NIPBL: variants seen among roughly 807,000 people sequenced by gnomAD.
NIPBL encodes the protein nipped-B-like protein.
NIPBL carries 19 observed loss-of-function variants against 321.8 expected under a neutral mutation model. The observed-to-expected ratio is 0.06, with a 90% CI of 0.04 to 0.09. NIPBL has a LOEUF of 0.09. Among genes scored for constraint, NIPBL ranks in the 10% least tolerant of loss-of-function variants. The pLI, the probability that NIPBL is intolerant of heterozygous loss-of-function variation, is 1.00. For synonymous variants in NIPBL, 1,106 were observed against 1,114.1 expected (o/e 0.99, Z 0.14); for missense variants, 2,210 against 3,327.0 (o/e 0.66, Z 8.26).
chr5:36,928,262 T>G (rs1223698366), intron 1 of NIPBL, among the ~76,000 whole-genome samples: 1 of 152,192 alleles, frequency 6.6e-6, no homozygotes, highest in African/African-American at 2.4e-5. Context: ...TGAAGTAGTC[T>G]TTAACTACAT....
rs1485243344 is a variant in NIPBL at position 37,044,624 on chromosome 5, T to C, written c.6250-12T>C. The C allele has an allele frequency of 5.0e-6, 8 of 1,608,692 alleles. No individual in the cohort carries two copies. Among genetic ancestry groups the C allele is most frequent in the Non-Finnish European group, 6.8e-6 (8 of 1,176,042 alleles). ...TTTTAACTTTTATCTAAACATTTTC[T>C]ATATCTTTTAGGTAGTGCAACATTG... is the stretch of plus-strand genomic sequence containing the variant. On this transcript the variant is annotated splice_polypyrimidine_tract_variant and intron_variant, in intron 35 of 46. Transcript: ENST00000282516.
chr5:36,921,980 G>A (rs1055815204), intron 1 of NIPBL, among the ~76,000 whole-genome samples: 6 of 150,458 alleles, frequency 4.0e-5, no homozygotes, highest in East Asian at 2.0e-4. Context: ...TCTGCCTCCC[G>A]GGTTCAAGTG....
chr5:37,008,856 GA>G (rs1276289980), intron 20 of NIPBL, 133 bp downstream of exon 20: 47 of 652,110 alleles, frequency 7.2e-5, no homozygotes, highest in African/African-American at 7.0e-4. Context: ...AGAACAGCAT[GA>G]AAAATAGATG....
At chr5:36,883,849 G>A (rs923911537) in intron 1 of NIPBL, among the ~76,000 whole-genome samples, 2 of 151,246 alleles carry the variant, frequency 1.3e-5, no homozygotes, top group Admixed American at 1.3e-4. Context: ...CCAAGTTGAA[G>A]TTTTACATGG....
chr5:36,939,763 C>T (rs1488079522), intron 1 of NIPBL, among the ~76,000 whole-genome samples: 1 of 152,134 alleles, frequency 6.6e-6, no homozygotes, highest in South Asian at 2.1e-4. Context: ...CAAGAGAGCA[C>T]AAGACATTAG....
At chr5:37,015,545 C>T (rs540496625) in intron 22 of NIPBL, among the ~76,000 whole-genome samples, 4 of 151,872 alleles carry the variant, frequency 2.6e-5, no homozygotes, top group African/African-American at 4.8e-5. Context: ...GCCTGACCAG[C>T]GTGGTGAAAC....
chr5:37,057,485 G>A (rs2149750435), intron 43 of NIPBL, among the ~76,000 whole-genome samples, 153 bp downstream of exon 43: 1 of 152,264 alleles, frequency 6.6e-6, no homozygotes, highest in South Asian at 2.1e-4. Context: ...TACTTGACTT[G>A]GGAGAGGATG....
chr5:37,039,953 G>A (rs952522155), intron 34 of NIPBL, among the ~76,000 whole-genome samples: 3 of 152,036 alleles, frequency 2.0e-5, no homozygotes, highest in East Asian at 1.9e-4. Flanking sequence ...ACAGTACCAA[G>A]CACTGTGAAA....
At chr5:37,036,619 T>A in intron 33 of NIPBL, 132 bp downstream of exon 33, 1 of 314,418 alleles carries the variant, frequency 3.2e-6, no homozygotes, top group Non-Finnish European at 6.0e-6. Context: ...ATGAAATACA[T>A]TTTTGTTATA....
intron 43 of NIPBL, among the ~76,000 whole-genome samples, chr5:37,058,214 T>TAACA (rs1754304036): frequency 6.6e-6 from 1 of 152,246 alleles, no homozygotes; most frequent in African/African-American, 2.4e-5. Flanking sequence ...CAGATGTTAA[T>TAACA]GTGCACATTT....
chr5:36,931,601 G>C (rs1749781646), intron 1 of NIPBL, among the ~76,000 whole-genome samples: 3 of 152,108 alleles, frequency 2.0e-5, no homozygotes, highest in African/African-American at 7.2e-5. Context: ...ATAGGCATGA[G>C]CCATCACACC....
intron 6 of NIPBL, among the ~76,000 whole-genome samples, chr5:36,963,958 C>T (rs753733456): frequency 6.6e-6 from 1 of 152,086 alleles, no homozygotes; most frequent in African/African-American, 2.4e-5. Flanking sequence ...CAAAAGAGCA[C>T]ATCCATATAC....
intron 1 of NIPBL, among the ~76,000 whole-genome samples, chr5:36,943,335 G>C (rs947209285): frequency 2.6e-5 from 4 of 152,140 alleles, no homozygotes; most frequent in Non-Finnish European, 5.9e-5. Flanking sequence ...GAAAAAGTAT[G>C]TGAAAGCACC....
chr5:36,969,873 T>A (rs1389949065), intron 6 of NIPBL, among the ~76,000 whole-genome samples: 1 of 152,198 alleles, frequency 6.6e-6, no homozygotes, highest in Non-Finnish European at 1.5e-5. Context: ...AAGTAATCTG[T>A]TATTTAGTAA....
chr5:37,000,244 C>A, intron 11 of NIPBL, 129 bp from the exon 12 acceptor site: 1 of 853,866 alleles, frequency 1.2e-6, no homozygotes, highest in Non-Finnish European at 1.8e-6. Flanking sequence ...TCTGGATAGA[C>A]AAAATCACTG....
intron 34 of NIPBL, among the ~76,000 whole-genome samples, chr5:37,040,891 T>A (rs1232956107): frequency 6.6e-6 from 1 of 152,234 alleles, no homozygotes; most frequent in Admixed American, 6.5e-5. Flanking sequence ...AATTCATTAT[T>A]GCTTCAGTTT....
chr5:36,953,083 G>A (rs1347973019), intron 1 of NIPBL, among the ~76,000 whole-genome samples: 1 of 152,156 alleles, frequency 6.6e-6, no homozygotes, highest in African/African-American at 2.4e-5. Context: ...GTATAAAGAT[G>A]GGAATACACA....
rs1360330848 is a variant in NIPBL at position 37,065,874 on chromosome 5, T to A, written c.*982T>A. ...GATGTCATGATGCTGATATTTATTC[T>A]TTAAACCTCGGGTAAAGGTAACCTG... On this transcript the variant is annotated 3_prime_UTR_variant, in exon 47 of 47. Coordinates refer to ENST00000282516, the MANE Select transcript of NIPBL (RefSeq NM_133433.4). The A allele has an allele frequency of 6.6e-6, 1 of 152,622 alleles. No homozygotes were observed. Among genetic ancestry groups the A allele is most frequent in the Non-Finnish European group, 1.5e-5 (1 of 68,006 alleles). The allele number at this position is 152,622 out of a possible 1,614,324, so 9.5% of individuals were successfully genotyped here. A position where few individuals can be genotyped will look rare whatever the true frequency, so the allele number is the denominator to read the frequency against.
At chr5:37,030,028 A>G (rs1017186714) in intron 32 of NIPBL, among the ~76,000 whole-genome samples, 12 of 152,228 alleles carry the variant, frequency 7.9e-5, no homozygotes, top group Non-Finnish European at 1.8e-4. Flanking sequence ...GATAGTTATT[A>G]TAAATGATCA....
Sources: gnomAD v4.1 joint callset for allele counts (sites outside exome capture counted in the v4.1 genomes callset) on GRCh38, gnomAD v4.1.1 for gene constraint, MANE v1.5 for transcripts, NCBI Gene and HGNC (gene_info 2026-07-23, HGNC 2026-07-21) for gene names.